Variants in NFIX observed in about 807,000 individuals in gnomAD.
NFIX encodes the protein nuclear factor I X, also known as nuclear factor 1 X-type.
NFIX carries 2 observed loss-of-function variants against 53.3 expected under a neutral mutation model. The observed-to-expected ratio is 0.04, with a 90% confidence interval of 0.02 to 0.12. NFIX has a LOEUF of 0.12. Among genes scored for constraint, NFIX ranks in the 10% least tolerant of loss-of-function variants. NFIX has a pLI of 1.00. For missense variants in NFIX, 310 were observed against 674.5 expected (o/e 0.46, Z 5.99); for synonymous variants, 244 against 289.0 (o/e 0.84, Z 1.58).
At chr19:13,041,559 G>T (rs977436925) in intron 2 of NFIX, among the ~76,000 whole-genome samples, 1 of 152,110 alleles carries the variant, frequency 6.6e-6, no homozygotes, top group Non-Finnish European at 1.5e-5. Flanking sequence ...CACTTTGGGA[G>T]GCCGAGGCAG....
At chr19:13,015,408 CCTAGGCCCAGCCTGGTGTCGCTTGCTCA>C (rs1297070494) in intron 1 of NFIX, among the ~76,000 whole-genome samples, 1 of 152,142 alleles carries the variant, frequency 6.6e-6, no homozygotes, top group Non-Finnish European at 1.5e-5. Flanking sequence ...GCCCCAGGAC[CCTAGGCCCAGCCTGGTGTCGCTTGCTCA>C]CTCTCTCTGC....
In NFIX at chr19:13,006,264, A is replaced by G. The variant is rs1050989376; in HGVS notation, c.27+10400A>G. 6.6e-6 allele frequency among the ~76,000 whole-genome samples: 1 copy of G among 152,136 alleles called. No individual in the cohort carries two copies. The highest frequency in any genetic ancestry group is 2.4e-5 in the African/African-American group (1 of 41,424). On this transcript the variant is annotated intron_variant, in intron 1 of 10. Coordinates refer to ENST00000592199, the MANE Select transcript of NFIX (RefSeq NM_001365902.3). The surrounding 1 kb of genome is among the most constrained non-coding windows in gnomAD (Gnocchi z 5.6). ...TGATGATTTTGAACGCTGCCTTGCTATAGCTCAAGTGCAGCCCACCAGGCC... is the reference window on the plus strand; with the variant it reads ...TGATGATTTTGAACGCTGCCTTGCTGTAGCTCAAGTGCAGCCCACCAGGCC...
At chr19:13,076,838 G>C (rs1238909923) in intron 6 of NFIX, among the ~76,000 whole-genome samples, 1 of 152,134 alleles carries the variant, frequency 6.6e-6, no homozygotes. Flanking sequence ...CCTCCTCCTG[G>C]GAGGAGGAAA....
At position 13,073,547 on chromosome 19, in the gene NFIX, G is replaced by A. The variant is rs375980582; in HGVS notation, c.697+51G>A. ...AGGGATGGGGATTGAAAGTGAGGAGGTGGGACCTCATGGGATGTCCTCCTA... is the reference window on the plus strand; with the variant it reads ...AGGGATGGGGATTGAAAGTGAGGAGATGGGACCTCATGGGATGTCCTCCTA... On this transcript the variant is annotated intron_variant, in intron 4 of 10. Coordinates refer to ENST00000592199, the MANE Select transcript of NFIX (RefSeq NM_001365902.3). The surrounding 1 kb of genome is among the most constrained non-coding windows in gnomAD (Gnocchi z 4.5). 10 of 1,524,604 alleles carry A rather than the reference G, an allele frequency of 6.6e-6. No homozygotes were observed. The African/African-American group carries it at 1.1e-4, about 17-fold the overall frequency. 94.4% of individuals were successfully genotyped at this position (1,524,604 alleles called of 1,614,324 possible).
chr19:13,019,185 T>G (rs1044554364), intron 1 of NFIX, among the ~76,000 whole-genome samples: 1 of 152,146 alleles, frequency 6.6e-6, no homozygotes, highest in African/African-American at 2.4e-5. Flanking sequence ...CAACTTCTTA[T>G]GCTTCTAGAT....
chr19:13,018,662 C>G (rs1273630697), intron 1 of NFIX, among the ~76,000 whole-genome samples: 1 of 152,262 alleles, frequency 6.6e-6, no homozygotes, highest in Non-Finnish European at 1.5e-5. Context: ...AGGCCCCACC[C>G]TCCTCTAGGA....
chr19:13,012,403 C>G lies in NFIX; in HGVS notation c.28-12618C>G, dbSNP rs1376501168. On this transcript the variant is annotated intron_variant, in intron 1 of 10. Transcript: ENST00000592199. The surrounding 1 kb of genome is among the most constrained non-coding windows in gnomAD (Gnocchi z 5.0). ...CTCCCGGCCCCTCGCTGCTCAAGCG[C>G]GGCTCCCTCTTGCCGGGGCGCGGCC... is the stretch of plus-strand genomic sequence containing the variant. 2.6e-5 allele frequency: 4 copies of G among 152,168 alleles called. No homozygotes were observed. Among genetic ancestry groups the G allele is most frequent in the African/African-American group, 9.7e-5 (4 of 41,378 alleles). The allele number at this position is 152,168 out of a possible 1,614,324, so 9.4% of individuals were successfully genotyped here. A position where few individuals can be genotyped will look rare whatever the true frequency, so the allele number is the denominator to read the frequency against.
At chr19:13,056,320 G>A (rs1028951496) in intron 2 of NFIX, among the ~76,000 whole-genome samples, 1 of 152,164 alleles carries the variant, frequency 6.6e-6, no homozygotes, top group East Asian at 1.9e-4. Flanking sequence ...GGACCCGACC[G>A]TTTGATCCTT....
rs569633937 is a variant in NFIX at position 13,030,599 on chromosome 19, C to T, written c.559+5047C>T. 2.0e-4 allele frequency among the ~76,000 whole-genome samples: 30 copies of T among 152,288 alleles called. 1 individual carries two copies. In the South Asian group the frequency reaches 6.0e-3, roughly 31 times the overall value. On this transcript the variant is annotated intron_variant, in intron 2 of 10. Coordinates refer to ENST00000592199, the MANE Select transcript of NFIX (RefSeq NM_001365902.3). Reference sequence around the variant, plus strand: ...TGTCTCCTCTCCAGCCTGAATATCACCAGTCCCTAATGCCTCCCACATTTC... The same window carrying T: ...TGTCTCCTCTCCAGCCTGAATATCATCAGTCCCTAATGCCTCCCACATTTC...
intron 2 of NFIX, among the ~76,000 whole-genome samples, chr19:13,033,127 C>T (rs2013934405): frequency 6.6e-6 from 1 of 152,154 alleles, no homozygotes; most frequent in Non-Finnish European, 1.5e-5. Flanking sequence ...ATAGGTTTTT[C>T]TTGGCACCAA....
rs1041454383 is a variant in NFIX, at chr19:13,060,768, G to A, written c.560-12279G>A. 6.6e-6 allele frequency among the ~76,000 whole-genome samples: 1 copy of A among 151,944 alleles called. No individual in the cohort carries two copies. Among genetic ancestry groups the A allele is most frequent in the Non-Finnish European group, 1.5e-5 (1 of 67,950 alleles). On this transcript the variant is annotated intron_variant, in intron 2 of 10. Coordinates refer to ENST00000592199, the MANE Select transcript of NFIX (RefSeq NM_001365902.3). This position sits in a 1 kb window ranked among gnomAD's most constrained non-coding sequence, Gnocchi z 4.3. The stretch of plus-strand genomic sequence containing the variant: ...CTGCCCAGGGTCAGGGGGATGGGGG[G>A]GTCGGCCTCACCTCGGCTAACCTCC...
chr19:13,094,775 C>G lies in NFIX; in HGVS notation c.*126C>G. The G allele has an allele frequency of 9.9e-7, 1 of 1,014,998 alleles. No homozygotes were observed. Among genetic ancestry groups the G allele is most frequent in the Non-Finnish European group, 1.5e-6 (1 of 686,614 alleles). 62.9% of individuals were successfully genotyped at this position (1,014,998 alleles called of 1,614,324 possible). Reference sequence around the variant, plus strand: ...CCACCGAAAAGCAAAAATTACACGTCGTCAGCCACTCAGCCCTTCTCTCCT... The same window carrying G: ...CCACCGAAAAGCAAAAATTACACGTGGTCAGCCACTCAGCCCTTCTCTCCT... On this transcript the variant is annotated 3_prime_UTR_variant, in exon 11 of 11. Coordinates refer to ENST00000592199, the MANE Select transcript of NFIX (RefSeq NM_001365902.3). The surrounding 1 kb of genome is among the most constrained non-coding windows in gnomAD (Gnocchi z 4.3).
At chr19:13,034,915 C>T (rs954941153) in intron 2 of NFIX, among the ~76,000 whole-genome samples, 3 of 152,150 alleles carry the variant, frequency 2.0e-5, no homozygotes, top group African/African-American at 7.2e-5. Flanking sequence ...GCAGCATTTC[C>T]CAACTGCGGA....
In NFIX at chr19:13,028,016, G is replaced by A. The variant is rs1415544882; in HGVS notation, c.559+2464G>A. ...TTGGCGCAGCCCGGGCCACCAGTGG[G>A]CTGCATCACTTGTTCCTCTTTGGAG... On this transcript the variant is annotated intron_variant, in intron 2 of 10. Transcript: ENST00000592199. This position sits in a 1 kb window ranked among gnomAD's most constrained non-coding sequence, Gnocchi z 4.2. 6.6e-6 allele frequency among the ~76,000 whole-genome samples: 1 copy of A among 152,256 alleles called. No homozygotes were observed. Among genetic ancestry groups the A allele is most frequent in the African/African-American group, 2.4e-5 (1 of 41,472 alleles).
rs916254923 is a variant in NFIX, at chr19:13,051,616, C to T, written c.560-21431C>T. Among the ~76,000 whole-genome samples, 2 of 152,168 alleles carry T rather than the reference C, an allele frequency of 1.3e-5. No homozygotes were observed. The highest frequency in any genetic ancestry group is 4.8e-5 in the African/African-American group (2 of 41,424). ...TTCGGGGAGGAGACAGCCTCTCAGG[C>T]GAGTGAGCTCTAGAGGCCCTTCCTC... On this transcript the variant is annotated intron_variant, in intron 2 of 10. Coordinates refer to ENST00000592199, the MANE Select transcript of NFIX (RefSeq NM_001365902.3). The surrounding 1 kb of genome is among the most constrained non-coding windows in gnomAD (Gnocchi z 5.1).
At chr19:13,056,739 G>A (rs557803038) in intron 2 of NFIX, among the ~76,000 whole-genome samples, 1 of 152,326 alleles carries the variant, frequency 6.6e-6, no homozygotes, top group South Asian at 2.1e-4. Flanking sequence ...TGCAGAATTT[G>A]TGGGGCCCAG....
chr19:13,000,485 C>T (rs2011637447), intron 1 of NFIX, among the ~76,000 whole-genome samples: 1 of 151,162 alleles, frequency 6.6e-6, no homozygotes, highest in Admixed American at 6.6e-5. Context: ...AGCTCTTTTA[C>T]CTTTGGATGG....
Position 13,063,695 on chromosome 19 carries a change from C to T in NFIX, c.560-9352C>T, listed in dbSNP as rs535570013. Among the ~76,000 whole-genome samples the T allele has an allele frequency of 3.3e-5, 5 of 152,272 alleles. No individual in the cohort carries two copies. The East Asian group carries it at 9.7e-4, about 29-fold the overall frequency. The stretch of plus-strand genomic sequence containing the variant: ...TAGTTTTAGTTTTGTCTTTTGGTTG[C>T]TCTCTGGCTCTGGGGCTTCCTGCCT... On this transcript the variant is annotated intron_variant, in intron 2 of 10. Transcript: ENST00000592199.
At position 13,081,301 on chromosome 19, in the gene NFIX, C is replaced by T. The variant is rs567598586; in HGVS notation, c.1079-379C>T. 2.0e-5 allele frequency among the ~76,000 whole-genome samples: 3 copies of T among 152,162 alleles called. No homozygotes were observed. In the South Asian group the frequency reaches 6.2e-4, roughly 32 times the overall value. Reference sequence around the variant, plus strand: ...TCTGGATGACAGAGCGAGACCCTGTCTCAAATAATAATAATAACACTTTTT... The same window carrying T: ...TCTGGATGACAGAGCGAGACCCTGTTTCAAATAATAATAATAACACTTTTT... On this transcript the variant is annotated intron_variant, in intron 7 of 10. Coordinates refer to ENST00000592199, the MANE Select transcript of NFIX (RefSeq NM_001365902.3). This position sits in a 1 kb window ranked among gnomAD's most constrained non-coding sequence, Gnocchi z 4.7.
Sources: allele counts gnomAD v4.1 joint callset (sites outside exome capture counted in the v4.1 genomes callset), GRCh38; gene constraint gnomAD v4.1.1; non-coding constraint Gnocchi (gnomAD v3.1); transcripts MANE v1.5; gene names NCBI Gene and HGNC (gene_info 2026-07-23, HGNC 2026-07-21).